The following IL1RAPL2 variants were observed in gnomAD, a reference collection of about 807,000 sequenced individuals.
IL1RAPL2 encodes the protein interleukin 1 receptor accessory protein like 2, also known as X-linked interleukin-1 receptor accessory protein-like 2.
IL1RAPL2 carries 3 observed loss-of-function variants against 44.1 expected under a neutral mutation model. The ratio of observed to expected loss-of-function variants is 0.07; its 90% CI spans 0.03 to 0.18. IL1RAPL2 has a LOEUF of 0.18. Ranked by LOEUF, IL1RAPL2 falls within the 10% of genes least tolerant of loss-of-function variation. IL1RAPL2 has a pLI of 1.00. For synonymous variants in IL1RAPL2, 181 were observed against 178.8 expected, an observed-to-expected ratio of 1.01 and a Z score of -0.10; for missense variants, 391 against 496.4, an observed-to-expected ratio of 0.79 and a Z score of 2.02.
intron 1 of IL1RAPL2, among the ~76,000 whole-genome samples, chrX:104,638,603 C>A (rs899622388): frequency 8.9e-6 from 1 of 111,894 alleles, no homozygotes; most frequent in Admixed American, 9.5e-5. Context: ...ATCTTAATTT[C>A]TTCATCTACC....
At chrX:105,336,217 A>G (rs2035027469) in intron 5 of IL1RAPL2, among the ~76,000 whole-genome samples, 1 of 112,313 alleles carries the variant, frequency 8.9e-6, no homozygotes, top group African/African-American at 3.2e-5. Flanking sequence ...TGAACCTTAT[A>G]GAATACATAA....
chrX:104,812,590 G>T (rs1017644249), intron 2 of IL1RAPL2, among the ~76,000 whole-genome samples: 1 of 111,384 alleles, frequency 9.0e-6, no homozygotes, highest in Non-Finnish European at 1.9e-5. Context: ...AGTCTGTTTT[G>T]TGGAGGCATA....
chrX:104,918,830 G>T (rs1924541224), intron 2 of IL1RAPL2, among the ~76,000 whole-genome samples: 1 of 111,854 alleles, frequency 8.9e-6, no homozygotes, highest in Non-Finnish European at 1.9e-5. Context: ...ATTCTTGATG[G>T]TATTAATTTT....
At chrX:104,827,885 T>G (rs769410473) in intron 2 of IL1RAPL2, among the ~76,000 whole-genome samples, 17 of 111,815 alleles carry the variant, frequency 1.5e-4, no homozygotes, top group Non-Finnish European at 2.4e-4. Flanking sequence ...TGATCTTCAA[T>G]CTCTGGTACC....
At chrX:104,698,710 T>C (rs1931220962) in intron 2 of IL1RAPL2, among the ~76,000 whole-genome samples, 1 of 112,114 alleles carries the variant, frequency 8.9e-6, no homozygotes, top group Non-Finnish European at 1.9e-5. Flanking sequence ...CTAAGATTTC[T>C]GGTAGGCCTT....
chrX:105,498,136 A>G (rs2147781190), intron 6 of IL1RAPL2, among the ~76,000 whole-genome samples: 1 of 112,132 alleles, frequency 8.9e-6, no homozygotes, highest in African/African-American at 3.2e-5. Context: ...AAATGGCATA[A>G]TCTTGTAGGT....
At chrX:105,221,426 A>G (rs1182036514) in intron 3 of IL1RAPL2, among the ~76,000 whole-genome samples, 1 of 110,724 alleles carries the variant, frequency 9.0e-6, no homozygotes, top group South Asian at 3.8e-4. Flanking sequence ...AAAAAAAAAA[A>G]GAAAAACGAG....
At position 105,388,148 on chromosome X, in the gene IL1RAPL2, CAAAAAAAAAAAAAAAAAAAAAAAAA is replaced by C. The variant is rs760730401; in HGVS notation, c.698-96149_698-96125del. Among the ~76,000 whole-genome samples the C allele has an allele frequency of 4.6e-3, 25 of 5,384 alleles. No individual in the cohort carries two copies. The East Asian group carries it at 0.2, about 44-fold the overall frequency. The allele number at this position is 5,384 out of a possible 115,157, so 4.7% of individuals were successfully genotyped here. ...GGGCAACAAGAGCGAAACTCCATCTCAAAAAAAAAAAAAAAAAAAAAAAAAAAAAAAAAAAAAAAAGGATAATTGA... is the reference window on the plus strand; with the variant it reads ...GGGCAACAAGAGCGAAACTCCATCTCAAAAAAAAAAAAAAAGGATAATTGA... On this transcript the variant is annotated intron_variant, in intron 5 of 10. Transcript: ENST00000372582.
intron 1 of IL1RAPL2, among the ~76,000 whole-genome samples, chrX:104,643,791 A>G (rs968669325): frequency 8.9e-6 from 1 of 111,827 alleles, no homozygotes; most frequent in Non-Finnish European, 1.9e-5. Flanking sequence ...CATTAATATT[A>G]ATGATCCCTA....
intron 2 of IL1RAPL2, among the ~76,000 whole-genome samples, chrX:104,755,707 CGGTCTGAAAAATAATATT>C (rs764442867): frequency 7.3e-5 from 8 of 110,174 alleles, no homozygotes; most frequent in Non-Finnish European, 1.3e-4. Flanking sequence ...GAAAAAGGCA[CGGTCTGAAAAATAATATT>C]GGTCCCCCTA....
intron 2 of IL1RAPL2, among the ~76,000 whole-genome samples, chrX:104,761,896 TCTCCTTCTCCTTCTCCTTCTCCTTCTC>T (rs1569309825): frequency 3.3e-4 from 17 of 52,055 alleles, no homozygotes; most frequent in African/African-American, 7.3e-4. Context: ...TCCTTCTCCT[TCTCCTTCTCCTTCTCCTTCTCCTTCTC>T]CTTCTTCTTC....
chrX:105,255,906 A>G (rs2034310443), intron 4 of IL1RAPL2, among the ~76,000 whole-genome samples: 1 of 112,068 alleles, frequency 8.9e-6, no homozygotes, highest in African/African-American at 3.2e-5. Flanking sequence ...GTCTATTGAG[A>G]TAATCATGTG....
chrX:104,851,586 G>C (rs1375057081), intron 2 of IL1RAPL2, among the ~76,000 whole-genome samples: 1 of 111,814 alleles, frequency 8.9e-6, no homozygotes, highest in East Asian at 2.8e-4. Context: ...CACGAAAATA[G>C]AGAGTACAAA....
At chrX:105,137,907 A>G (rs2033090962) in intron 2 of IL1RAPL2, among the ~76,000 whole-genome samples, 1 of 110,999 alleles carries the variant, frequency 9.0e-6, no homozygotes, top group Admixed American at 9.6e-5. Context: ...CTGTACAAAC[A>G]CAATAAAAAA....
intron 6 of IL1RAPL2, among the ~76,000 whole-genome samples, chrX:105,505,538 C>A (rs1354866266): frequency 9.0e-6 from 1 of 110,565 alleles, no homozygotes; most frequent in African/African-American, 3.3e-5. Context: ...CTCAATTAGG[C>A]AGAATAGCAT....
chrX:104,794,143 G>C (rs1279208053), intron 2 of IL1RAPL2, among the ~76,000 whole-genome samples: 1 of 112,028 alleles, frequency 8.9e-6, no homozygotes, highest in Non-Finnish European at 1.9e-5. Flanking sequence ...TTCTCATGTA[G>C]CATAGGGGAT....
At chrX:104,683,323 G>A (rs1031666635) in intron 2 of IL1RAPL2, among the ~76,000 whole-genome samples, 7 of 111,657 alleles carry the variant, frequency 6.3e-5, no homozygotes, top group Non-Finnish European at 1.3e-4. Context: ...CTGTGGTTAA[G>A]TACTTTCTGA....
In IL1RAPL2 at chrX:105,083,063, T is replaced by G. The variant is rs746181784; in HGVS notation, c.83-112412T>G. ...GAAGCTAAGAACTTTGAAAAAATGT[T>G]AGATGAATTGCTAACTACAATAACC... On this transcript the variant is annotated intron_variant, in intron 2 of 10. Transcript: ENST00000372582. Among the ~76,000 whole-genome samples, 4 of 111,380 alleles carry G rather than the reference T, an allele frequency of 3.6e-5. No individual in the cohort carries two copies. In the Admixed American group the frequency reaches 3.8e-4, roughly 11 times the overall value.
intron 2 of IL1RAPL2, among the ~76,000 whole-genome samples, chrX:105,155,975 A>G (rs774317178): frequency 2.7e-5 from 3 of 111,481 alleles, no homozygotes; most frequent in Non-Finnish European, 5.7e-5. Flanking sequence ...CTCAAATAGA[A>G]TTAAGGAAAA....
Sources: gnomAD v4.1 joint callset for allele counts (sites outside exome capture counted in the v4.1 genomes callset) on GRCh38, gnomAD v4.1.1 for gene constraint, MANE v1.5 for transcripts, NCBI Gene and HGNC (gene_info 2026-07-23, HGNC 2026-07-21) for gene names.